The following SRRM2 variants were observed in gnomAD, a reference collection of about 807,000 sequenced individuals.
SRRM2 encodes the protein serine/arginine repetitive matrix 2, also known as serine/arginine repetitive matrix protein 2.
SRRM2 carries 30 observed loss-of-function variants against 213.8 expected under a neutral mutation model. The observed-to-expected ratio is 0.14, with a 90% CI of 0.10 to 0.19. SRRM2 has a LOEUF of 0.19. SRRM2 is among the 10% of genes least tolerant of loss of function. SRRM2 has a pLI of 1.00. For synonymous variants in SRRM2, 2,025 were observed against 1,377.7 expected, an observed-to-expected ratio of 1.47 and a Z score of -10.40; for missense variants, 4,904 against 3,647.0, an observed-to-expected ratio of 1.34 and a Z score of -8.88.
At chr16:2,768,664 AG>A in intron 11 of SRRM2, 2 of 648,182 alleles carry the variant, frequency 3.1e-6, no homozygotes, top group Non-Finnish European at 2.8e-6. Flanking sequence ...CTGCACTCAC[AG>A]GGGCCTCCCC....
At position 2,755,687 on chromosome 16, in the gene SRRM2, T is replaced by A. The variant is rs147886042; in HGVS notation, c.-31-647T>A. 6.8e-4 allele frequency among the ~76,000 whole-genome samples: 103 copies of A among 152,358 alleles called. 1 individual carries two copies. The East Asian group carries it at 0.019, about 29-fold the overall frequency. The stretch of plus-strand genomic sequence containing the variant: ...ATATGACGATTATCCAAGGTTCATG[T>A]GTGTTTCTGATGTGCATGCTGGCCT... On this transcript the variant is annotated intron_variant, in intron 1 of 14. Transcript: ENST00000301740.
chr16:2,756,044 G>A (rs1209198348), intron 1 of SRRM2, among the ~76,000 whole-genome samples: 1 of 152,162 alleles, frequency 6.6e-6, no homozygotes, highest in Non-Finnish European at 1.5e-5. Flanking sequence ...GCCTAGGGTG[G>A]AAAAAGAAGA....
chr16:2,759,559 C>T lies in SRRM2; in HGVS notation c.741-10C>T, dbSNP rs1251450623. 4 of 1,613,908 alleles carry T rather than the reference C, an allele frequency of 2.5e-6. No homozygotes were observed. Among genetic ancestry groups the T allele is most frequent in the Admixed American group, 3.3e-5 (2 of 60,012 alleles). ...CAGTACCCTGAGCTGTGGTGGTGGT[C>T]TTCCTTCAGGTCTCGAAGTACAACA... On this transcript the variant is annotated splice_polypyrimidine_tract_variant and intron_variant, in intron 8 of 14. Coordinates refer to ENST00000301740, the MANE Select transcript of SRRM2 (RefSeq NM_016333.4).
intron 5 of SRRM2, 47 bp from the exon 6 acceptor site, chr16:2,758,938 A>G (rs1293913434): frequency 3.1e-6 from 5 of 1,610,206 alleles, no homozygotes; most frequent in Non-Finnish European, 4.2e-6. Flanking sequence ...TGGGAGGGCC[A>G]GGAAAGAAGC....
intron 2 of SRRM2, among the ~76,000 whole-genome samples, chr16:2,757,038 A>C (rs1428155567): frequency 6.6e-6 from 1 of 152,140 alleles, no homozygotes; most frequent in East Asian, 1.9e-4. Context: ...ATACGTGAAG[A>C]AGTGGGAATC....
At position 2,765,795 on chromosome 16, in the gene SRRM2, C is replaced by T. The variant is rs149231148; in HGVS notation, c.5267C>T (p.Thr1756Ile). ...RSASSPRTKT[T>I]SRRGRSPSPK... The stretch of plus-strand genomic sequence containing the variant: ...GCTTCATCTCCACGCACTAAGACAA[C>T]CTCAAGGAGAGGCCGCTCTCCTTCG... The change falls in exon 11 of 15, where the codon ACC becomes ATC. Residue 1756 changes from threonine (T) to isoleucine (I), a missense_variant. Transcript: ENST00000301740. 8.1e-4 allele frequency: 1,312 copies of T among 1,614,114 alleles called. 1 individual carries two copies. Among genetic ancestry groups the T allele is most frequent in the Non-Finnish European group, 9.7e-4 (1,140 of 1,180,048 alleles).
chr16:2,770,348 C>G lies in SRRM2; in HGVS notation c.8022-4C>G. 6.3e-7 allele frequency: 1 copy of G among 1,583,824 alleles called. No homozygotes were observed. Among genetic ancestry groups the G allele is most frequent in the Non-Finnish European group, 8.6e-7 (1 of 1,164,570 alleles). ...GTGCTATTGGGTCCTACTGTGTTCC[C>G]CAGGTCCCGCAGCCCCCGGAAGCCA... On this transcript the variant is annotated splice_region_variant and splice_polypyrimidine_tract_variant and intron_variant, in intron 12 of 14. Transcript: ENST00000301740.
Position 2,759,123 on chromosome 16 carries a change from TCTC to T in SRRM2, c.657-16_657-14del. 1.2e-6 allele frequency: 2 copies of T among 1,614,102 alleles called. No individual in the cohort carries two copies. Among genetic ancestry groups the T allele is most frequent in the Non-Finnish European group, 1.7e-6 (2 of 1,180,016 alleles). ...CAGAGGTGTTTCTTATGTTTTTTCT[TCTC>T]TTTTTTCCAACAGGTCAGAATCTGA... On this transcript the variant is annotated splice_polypyrimidine_tract_variant and intron_variant, in intron 6 of 14. Transcript: ENST00000301740.
chr16:2,757,975 T>G (rs1392008648), intron 4 of SRRM2, 30 bp downstream of exon 4: 1 of 1,589,764 alleles, frequency 6.3e-7, no homozygotes, highest in Non-Finnish European at 8.6e-7. Context: ...CACTGTCAGC[T>G]TCTTTTCTTG....
chr16:2,766,040 C>A lies in SRRM2; in HGVS notation c.5512C>A (p.Arg1838=), dbSNP rs756475416. 1 of 1,613,934 alleles carries A rather than the reference C, an allele frequency of 6.2e-7. No homozygotes were observed. The highest frequency in any genetic ancestry group is 8.5e-7 in the Non-Finnish European group (1 of 1,179,996). Residue 1838 remains arginine, a synonymous_variant, in exon 11 of 15, where the codon CGA becomes AGA. Coordinates refer to ENST00000301740, the MANE Select transcript of SRRM2 (RefSeq NM_016333.4). The surrounding 1 kb of genome is among the most constrained non-coding windows in gnomAD (Gnocchi z 7.0). ...AAGTTCCCGGACCTCCTCTCGACGC[C>A]GAAGAGGCCGCTCTCGGACACCCCC... ...QESSRTSSRR[R]RGRSRTPPTS...
In SRRM2 at chr16:2,770,708, GCTCCTC is replaced by G; in HGVS notation, c.8242_8247del (p.Ser2748_Ser2749del). Reference sequence around the variant, plus strand: ...CCTAGCCCTCGGCCCATGAGACACCGCTCCTCCAGGTGCGTGTCCTGGAAGGCTGAT... The same window carrying G: ...CCTAGCCCTCGGCCCATGAGACACCGCAGGTGCGTGTCCTGGAAGGCTGAT... On this transcript the variant is annotated inframe_deletion, in exon 14 of 15. Coordinates refer to ENST00000301740, the MANE Select transcript of SRRM2 (RefSeq NM_016333.4). 2 of 1,563,244 alleles carry G rather than the reference GCTCCTC, an allele frequency of 1.3e-6. No homozygotes were observed. Among genetic ancestry groups the G allele is most frequent in the Non-Finnish European group, 1.7e-6 (2 of 1,152,238 alleles).
chr16:2,759,974 T>C, intron 9 of SRRM2: 2 of 531,790 alleles, frequency 3.8e-6, no homozygotes, highest in Non-Finnish European at 6.7e-6. Flanking sequence ...GCTTCCTTAA[T>C]CGGGGAAGGC....
chr16:2,757,956 C>T lies in SRRM2; in HGVS notation c.515+11C>T. The T allele has an allele frequency of 6.3e-7, 1 of 1,599,376 alleles. No individual in the cohort carries two copies. The highest frequency in any genetic ancestry group is 8.5e-7 in the Non-Finnish European group (1 of 1,173,184). On this transcript the variant is annotated intron_variant, in intron 4 of 14. Coordinates refer to ENST00000301740, the MANE Select transcript of SRRM2 (RefSeq NM_016333.4). ...TCCCAAACCTTACAGGTATACAAGG[C>T]CAAGAAACCACTGTCAGCTTCTTTT... is the stretch of plus-strand genomic sequence containing the variant.
rs150939519 is a variant in SRRM2, at chr16:2,765,513, C to T, written c.4985C>T (p.Pro1662Leu). 8.1e-6 allele frequency: 13 copies of T among 1,614,142 alleles called. No homozygotes were observed. The highest frequency in any genetic ancestry group is 4.0e-5 in the African/African-American group (3 of 75,030). ...SSSTESSPEH[P>L]PKSRTARRGS... ...AGTACCGAGTCCTCTCCTGAACATCCGCCCAAATCCAGAACTGCTCGCAGA... is the reference window on the plus strand; with the variant it reads ...AGTACCGAGTCCTCTCCTGAACATCTGCCCAAATCCAGAACTGCTCGCAGA... Residue 1662 changes from proline to leucine, a missense_variant, in exon 11 of 15, where the codon CCG becomes CTG. Physicochemically the swap from Pro to Leu is moderately conservative, Grantham distance 98. Transcript: ENST00000301740.
rs1567225272 is a variant in SRRM2 at position 2,760,572 on chromosome 16, G to A, written c.1032+73G>A. 14 of 1,525,336 alleles carry A rather than the reference G, an allele frequency of 9.2e-6. No individual in the cohort carries two copies. In the South Asian group the frequency reaches 9.2e-5, roughly 10 times the overall value. The allele number at this position is 1,525,336 out of a possible 1,614,324, so 94.5% of individuals were successfully genotyped here. A position where few individuals can be genotyped will look rare whatever the true frequency, so the allele number is the denominator to read the frequency against. ...TTAGGATAGACATGTGATGTGAAAG[G>A]GAGAGGTAATAACTTATTAAAATAA... On this transcript the variant is annotated intron_variant, in intron 10 of 14. Transcript: ENST00000301740.
In SRRM2 at chr16:2,759,055, G is replaced by A. The variant is rs1259723545; in HGVS notation, c.656+8G>A. The A allele has an allele frequency of 1.2e-6, 2 of 1,614,230 alleles. No homozygotes were observed. Among genetic ancestry groups the A allele is most frequent in the Non-Finnish European group, 1.7e-6 (2 of 1,180,042 alleles). ...AAAGAAGAAGAAGCACAGGTATGAG[G>A]TGGGAATACTTGAATGACTGGAGAA... On this transcript the variant is annotated splice_region_variant and intron_variant, in intron 6 of 14. Transcript: ENST00000301740.
Position 2,761,862 on chromosome 16 carries a change from C to T in SRRM2, c.1334C>T (p.Pro445Leu). Residue 445 changes from proline (P) to leucine (L), a missense_variant, in exon 11 of 15, where the codon CCA becomes CTA. Transcript: ENST00000301740. ...TCCCCAGAAAGTCCTAAACCTGCTCCAGCTCCAGGGTCCCACCGAGAGATT... is the reference window on the plus strand; with the variant it reads ...TCCCCAGAAAGTCCTAAACCTGCTCTAGCTCCAGGGTCCCACCGAGAGATT... Reference protein sequence around the residue: ...SSSPESPKPAPAPGSHREISS... With the variant: ...SSSPESPKPALAPGSHREISS... 2 of 1,611,172 alleles carry T rather than the reference C, an allele frequency of 1.2e-6. No homozygotes were observed. The highest frequency in any genetic ancestry group is 1.1e-5 in the South Asian group (1 of 90,980).
At chr16:2,770,145 T>G (rs1056432897) in intron 12 of SRRM2, 41 of 1,429,582 alleles carry the variant, frequency 2.9e-5, no homozygotes, top group Non-Finnish European at 3.8e-5. Flanking sequence ...TCTTTATCTT[T>G]GCATCCCCCG....
In SRRM2 at chr16:2,758,499, C is replaced by T; in HGVS notation, c.545C>T (p.Ser182Leu). 6.2e-7 allele frequency: 1 copy of T among 1,614,132 alleles called. No individual in the cohort carries two copies. Among genetic ancestry groups the T allele is most frequent in the East Asian group, 2.2e-5 (1 of 44,892 alleles). Reference protein sequence around the residue: ...SLVRESSSSRSPTPKQKKKKK... With the variant: ...SLVRESSSSRLPTPKQKKKKK... ...GTTCGGGAGTCTAGCAGTTCTCGCT[C>T]ACCAACCCCAAAGCAGAAGAAGAAG... Residue 182 changes from serine (S) to leucine (L), a missense_variant, in exon 5 of 15, where the codon TCA (serine) becomes TTA (leucine). Ser to Leu is a moderately radical substitution (Grantham distance 145). Coordinates refer to ENST00000301740, the MANE Select transcript of SRRM2 (RefSeq NM_016333.4).
Sources: gnomAD v4.1 joint callset for allele counts (sites outside exome capture counted in the v4.1 genomes callset) on GRCh38, gnomAD v4.1.1 for gene constraint, Gnocchi (gnomAD v3.1) non-coding constraint, MANE v1.5 for transcripts, NCBI Gene and HGNC (gene_info 2026-07-23, HGNC 2026-07-21) for gene names.